The following LMOD1 variants were observed in gnomAD, a reference collection of about 807,000 sequenced individuals.
LMOD1 encodes leiomodin 1.
In LMOD1, 8 loss-of-function variants were observed where a neutral mutation model predicts 36.5. The ratio of observed to expected loss-of-function variants is 0.22; its 90% confidence interval spans 0.13 to 0.40. The LOEUF (loss-of-function observed/expected upper bound fraction) is 0.40, where lower values mean the gene tolerates loss of function less well. Ranked by LOEUF, LMOD1 falls within the 10% of genes least tolerant of loss-of-function variation. The pLI is 1.00. For missense variants in LMOD1, 630 were observed against 751.1 expected, an observed-to-expected ratio of 0.84 and a Z score of 1.88; for synonymous variants, 284 against 288.7, an observed-to-expected ratio of 0.98 and a Z score of 0.17.
At chr1:201,905,886 A>G (rs1351261823) in intron 1 of LMOD1, among the ~76,000 whole-genome samples, 2 of 152,244 alleles carry the variant, frequency 1.3e-5, no homozygotes. Flanking sequence ...CTGCACCCTC[A>G]CAGGTGATAC....
At chr1:201,901,409 G>A (rs796695678) in intron 1 of LMOD1, among the ~76,000 whole-genome samples, 4 of 149,678 alleles carry the variant, frequency 2.7e-5, no homozygotes, top group African/African-American at 9.9e-5. Flanking sequence ...GGCAGAGGCA[G>A]GAGAATCACC....
Position 201,912,645 on chromosome 1 carries a change from G to A in LMOD1, c.262-11894C>T, listed in dbSNP as rs573564300. Among the ~76,000 whole-genome samples the A allele has an allele frequency of 2.0e-5, 3 of 152,294 alleles. No homozygotes were observed. In the South Asian group the frequency reaches 6.2e-4, roughly 32 times the overall value. On this transcript the variant is annotated intron_variant, in intron 1 of 2. Transcript: ENST00000367288. ...AGGCCAAGGTGGGTGGATCACCTGA[G>A]GTCGGGAGTTTGAGACCAGCCTGAC...
Position 201,899,025 on chromosome 1 carries a change from G to A in LMOD1, c.1776+212C>T. 8.3e-6 allele frequency: 4 copies of A among 480,782 alleles called. No individual in the cohort carries two copies. The South Asian group carries it at 2.1e-4, about 25-fold the overall frequency. 29.8% of individuals were successfully genotyped at this position (480,782 alleles called of 1,614,324 possible). ...ATTAAAGGAAGCTCCTTAAAGGAAGGGTAGAGTCTCAGCTCTAGGGGATAT... is the reference window on the plus strand; with the variant it reads ...ATTAAAGGAAGCTCCTTAAAGGAAGAGTAGAGTCTCAGCTCTAGGGGATAT... On this transcript the variant is annotated intron_variant, in intron 2 of 2. Coordinates refer to ENST00000367288, the MANE Select transcript of LMOD1 (RefSeq NM_012134.3). This position sits in a 1 kb window ranked among gnomAD's most constrained non-coding sequence, Gnocchi z 6.3.
In LMOD1 at chr1:201,945,498, C is replaced by A. The variant is rs2102934692; in HGVS notation, c.261+582G>T. On this transcript the variant is annotated intron_variant, in intron 1 of 2. Coordinates refer to ENST00000367288, the MANE Select transcript of LMOD1 (RefSeq NM_012134.3). ...CCCTGGGAATAAATTTGAAGCTTAT[C>A]AGGTCTTTAAGCCACATTTCCCAGC... is the stretch of plus-strand genomic sequence containing the variant. Among the ~76,000 whole-genome samples the A allele has an allele frequency of 1.3e-5, 2 of 152,190 alleles. 1 individual carries two copies. Among genetic ancestry groups the A allele is most frequent in the South Asian group, 4.2e-4 (2 of 4,810 alleles).
intron 1 of LMOD1, among the ~76,000 whole-genome samples, chr1:201,943,729 G>A (rs1433692792): frequency 3.3e-5 from 5 of 152,214 alleles, no homozygotes. Context: ...CCTTGACTGA[G>A]TGTTTATGAC....
chr1:201,938,146 T>TC (rs1682047953), intron 1 of LMOD1, among the ~76,000 whole-genome samples: 1 of 151,520 alleles, frequency 6.6e-6, no homozygotes. Flanking sequence ...TTTTTTTTTT[T>TC]GAGATGGAGT....
At position 201,940,183 on chromosome 1, in the gene LMOD1, CTTTTTTT is replaced by C. The variant is rs34390949; in HGVS notation, c.261+5890_261+5896del. 2.3e-3 allele frequency among the ~76,000 whole-genome samples: 287 copies of C among 123,416 alleles called. 1 individual carries two copies. The highest frequency in any genetic ancestry group is 9.5e-3 in the Middle Eastern group (2 of 210). 81.0% of individuals were successfully genotyped at this position (123,416 alleles called of 152,430 possible). A position where few individuals can be genotyped will look rare whatever the true frequency, so the allele number is the denominator to read the frequency against. On this transcript the variant is annotated intron_variant, in intron 1 of 2. Coordinates refer to ENST00000367288, the MANE Select transcript of LMOD1 (RefSeq NM_012134.3). ...CTTGCATTTTCCATCCAGCCAAGCTCTTTTTTTTTTTTTTTTTTTTTTGAGATGGAGT... is the reference window on the plus strand; with the variant it reads ...CTTGCATTTTCCATCCAGCCAAGCTCTTTTTTTTTTTTTTTGAGATGGAGT...
At chr1:201,914,039 A>G (rs1411147979) in intron 1 of LMOD1, among the ~76,000 whole-genome samples, 2 of 152,082 alleles carry the variant, frequency 1.3e-5, no homozygotes, top group African/African-American at 2.4e-5. Context: ...ACCGCTGGCC[A>G]TGAGACCCAA....
Position 201,933,515 on chromosome 1 carries a change from T to TTC in LMOD1, c.261+12563_261+12564dup, listed in dbSNP as rs147223046. On this transcript the variant is annotated intron_variant, in intron 1 of 2. Transcript: ENST00000367288. ...CAAAAAATACACACTCCATGAGCCT[T>TTC]TCTCTCTCTCTCTCTCTATATATAT... Among the ~76,000 whole-genome samples, 539 of 143,296 alleles carry TTC rather than the reference T, an allele frequency of 3.8e-3. 6 individuals carry two copies. The highest frequency in any genetic ancestry group is 0.013 in the African/African-American group (510 of 39,336). The allele number at this position is 143,296 out of a possible 152,430, so 94.0% of individuals were successfully genotyped here. A position where few individuals can be genotyped will look rare whatever the true frequency, so the allele number is the denominator to read the frequency against.
At chr1:201,910,954 G>T (rs368211015) in intron 1 of LMOD1, among the ~76,000 whole-genome samples, 5 of 151,804 alleles carry the variant, frequency 3.3e-5, no homozygotes, top group Middle Eastern at 3.2e-3. Flanking sequence ...TAGTAAGTGG[G>T]AGGACTGGAG....
intron 1 of LMOD1, among the ~76,000 whole-genome samples, chr1:201,917,864 G>A (rs1476346381): frequency 6.6e-6 from 1 of 152,196 alleles, no homozygotes; most frequent in Non-Finnish European, 1.5e-5. Flanking sequence ...GTGAGCAGGA[G>A]GCCTGGCTTT....
chr1:201,946,088 A>T lies in LMOD1; in HGVS notation c.253T>A (p.Ser85Thr). The T allele has an allele frequency of 6.2e-7, 1 of 1,613,526 alleles. No individual in the cohort carries two copies. The highest frequency in any genetic ancestry group is 2.2e-5 in the East Asian group (1 of 44,864). Residue 85 changes from serine (S) to threonine (T), a missense_variant, in exon 1 of 3, where the codon TCC (serine) becomes ACC (threonine). This residue lies in a region of LMOD1 where 405 missense variants were observed against 400.6 expected (regional missense o/e 1.01). Transcript: ENST00000367288. ...ETKKLMQREMSMDESKQVETK... is the reference protein window; with the variant it reads ...ETKKLMQREMTMDESKQVETK... Reference sequence around the variant, plus strand: ...GGGCTGTGCTCACTCACATCCATGGACATCTCCCTCTGCATAAGTTTCTTG... The same window carrying T: ...GGGCTGTGCTCACTCACATCCATGGTCATCTCCCTCTGCATAAGTTTCTTG...
chr1:201,909,603 A>G (rs1681461115), intron 1 of LMOD1, among the ~76,000 whole-genome samples: 1 of 152,148 alleles, frequency 6.6e-6, no homozygotes, highest in Non-Finnish European at 1.5e-5. Context: ...CCACCTGAGA[A>G]GTCAAGTTCC....
intron 1 of LMOD1, among the ~76,000 whole-genome samples, chr1:201,929,184 C>T (rs531203901): frequency 5.7e-4 from 87 of 152,084 alleles, no homozygotes; most frequent in Non-Finnish European, 1.0e-3. Flanking sequence ...CTCACTGCAA[C>T]CTCTGCCTCC....
At chr1:201,923,325 G>A (rs1360869147) in intron 1 of LMOD1, among the ~76,000 whole-genome samples, 1 of 152,146 alleles carries the variant, frequency 6.6e-6, no homozygotes, top group Non-Finnish European at 1.5e-5. Context: ...GCTGAACAAA[G>A]AGATGCATCT....
chr1:201,936,316 T>G (rs917682718), intron 1 of LMOD1, among the ~76,000 whole-genome samples: 3 of 152,108 alleles, frequency 2.0e-5, no homozygotes, highest in African/African-American at 7.2e-5. Context: ...GCTGGAAGAA[T>G]GAGCCTTTTA....
chr1:201,942,674 CT>C (rs201638308), intron 1 of LMOD1, among the ~76,000 whole-genome samples: 2,889 of 144,652 alleles, frequency 0.02, 86 homozygotes, highest in African/African-American at 0.066. Context: ...TTCTTTCTTT[CT>C]TTTTTTTTTT....
At chr1:201,903,421 C>A (rs560657772) in intron 1 of LMOD1, among the ~76,000 whole-genome samples, 9 of 152,324 alleles carry the variant, frequency 5.9e-5, no homozygotes, top group East Asian at 5.8e-4. Flanking sequence ...AGAGCTCCCC[C>A]TCCCACTCAC....
At chr1:201,939,650 A>G (rs939982879) in intron 1 of LMOD1, among the ~76,000 whole-genome samples, 9 of 152,206 alleles carry the variant, frequency 5.9e-5, no homozygotes, top group African/African-American at 2.2e-4. Context: ...AAAGGCCTGC[A>G]TTCTATGGCT....
Sources: gnomAD v4.1 joint callset for allele counts (sites outside exome capture counted in the v4.1 genomes callset) on GRCh38, gnomAD v4.1.1 for gene constraint, gnomAD v4.1.1 regional missense constraint, Gnocchi (gnomAD v3.1) non-coding constraint, MANE v1.5 for transcripts, NCBI Gene and HGNC (gene_info 2026-07-23, HGNC 2026-07-21) for gene names.